Variants in PALS2 observed in about 807,000 individuals in gnomAD.
The protein encoded by PALS2 is protein PALS2.
A neutral mutation model predicts 61.6 loss-of-function variants in PALS2; 27 were observed. The observed-to-expected ratio is 0.44, with a 90% CI of 0.32 to 0.60. The LOEUF (loss-of-function observed/expected upper bound fraction) is 0.60, where lower values mean the gene tolerates loss of function less well. Among genes scored for constraint, PALS2 ranks in the 20% least tolerant of loss-of-function variants. The probability of loss-of-function intolerance (pLI) is 0.05; values close to 1 mark genes in which losing one functional copy is unlikely to be tolerated. For missense variants in PALS2, 554 were observed against 639.4 expected (o/e 0.87, Z 1.44); for synonymous variants, 236 against 218.6 (o/e 1.08, Z -0.70).
intron 1 of PALS2, among the ~76,000 whole-genome samples, chr7:24,591,581 G>C (rs1314513931): frequency 6.6e-6 from 1 of 152,114 alleles, no homozygotes; most frequent in Non-Finnish European, 1.5e-5. Flanking sequence ...TTGTGTTAGA[G>C]ATAGACATGT....
At position 24,680,509 on chromosome 7, in the gene PALS2, A is replaced by AGGATGC; in HGVS notation, c.1435_1436insGGATGC (p.Lys479delinsArgMetGln). On this transcript the variant is annotated protein_altering_variant, in exon 11 of 12. Coordinates refer to ENST00000222644, the MANE Select transcript of PALS2 (RefSeq NM_001303037.2). ...TGTGGTGGATGCAGGAATCACTACCAAGCTTCTGACCGTGAGCTAACCATA... is the reference window on the plus strand; with the variant it reads ...TGTGGTGGATGCAGGAATCACTACCAGGATGCAGCTTCTGACCGTGAGCTAACCATA... 1 of 1,613,766 alleles carries AGGATGC rather than the reference A, an allele frequency of 6.2e-7. No individual in the cohort carries two copies. Among genetic ancestry groups the AGGATGC allele is most frequent in the Non-Finnish European group, 8.5e-7 (1 of 1,179,784 alleles).
chr7:24,600,661 T>C (rs1486109872), intron 1 of PALS2, among the ~76,000 whole-genome samples: 1 of 152,170 alleles, frequency 6.6e-6, no homozygotes, highest in Admixed American at 6.5e-5. Flanking sequence ...ATATAAAGAA[T>C]AGCCATTTAA....
At chr7:24,665,861 A>G (rs1281257114) in intron 7 of PALS2, among the ~76,000 whole-genome samples, 160 bp from the exon 8 acceptor site, 1 of 152,124 alleles carries the variant, frequency 6.6e-6, no homozygotes, top group African/African-American at 2.4e-5. Flanking sequence ...ACCTGCTGGT[A>G]GAGTATCAAA....
rs1319950819 is a variant in PALS2, at chr7:24,687,003, G to C, written c.1447-435G>C. On this transcript the variant is annotated intron_variant, in intron 11 of 11. Coordinates refer to ENST00000222644, the MANE Select transcript of PALS2 (RefSeq NM_001303037.2). The surrounding 1 kb of genome is among the most constrained non-coding windows in gnomAD (Gnocchi z 4.5). ...CTAAGATTCTCTGATCTTATAGAGA[G>C]GTAGCAAGTTTGGCTTTGAGCTTAA... Among the ~76,000 whole-genome samples, 3 of 152,202 alleles carry C rather than the reference G, an allele frequency of 2.0e-5. No individual in the cohort carries two copies. The highest frequency in any genetic ancestry group is 7.2e-5 in the African/African-American group (3 of 41,444).
chr7:24,629,011 A>G (rs1784872413), intron 2 of PALS2, among the ~76,000 whole-genome samples: 1 of 152,202 alleles, frequency 6.6e-6, no homozygotes, highest in Non-Finnish European at 1.5e-5. Flanking sequence ...ATATGGAACC[A>G]AAAAAGAGCC....
intron 1 of PALS2, among the ~76,000 whole-genome samples, chr7:24,595,588 A>AATATATATAT (rs1457909369): frequency 7.3e-6 from 1 of 136,762 alleles, no homozygotes; most frequent in Non-Finnish European, 1.6e-5. Context: ...AATATATATA[A>AATATATATAT]ATATATATAT....
intron 5 of PALS2, among the ~76,000 whole-genome samples, chr7:24,658,925 G>A (rs1786570596): frequency 1.3e-5 from 2 of 152,092 alleles, no homozygotes; most frequent in African/African-American, 4.8e-5. Flanking sequence ...TTTCTGGAGT[G>A]TAGTGCACAA....
chr7:24,653,356 A>G (rs1466206680), intron 5 of PALS2, among the ~76,000 whole-genome samples: 4 of 151,052 alleles, frequency 2.6e-5, no homozygotes, highest in Non-Finnish European at 5.9e-5. Context: ...AATGATTAGT[A>G]AATTAGGAAC....
chr7:24,582,883 C>CTTTTTTTT (rs757869072), intron 1 of PALS2, among the ~76,000 whole-genome samples: 2 of 57,476 alleles, frequency 3.5e-5, no homozygotes, highest in Admixed American at 2.1e-4. Context: ...GATAGTCATG[C>CTTTTTTTT]TTTTTTTTTT....
chr7:24,692,173 C>G lies in PALS2; in HGVS notation c.*4559C>G, dbSNP rs558483611. ...GATTCGAACATGAGTCCTTAATATA[C>G]TAAACAGTGAAAGAATGATGATATC... is the stretch of plus-strand genomic sequence containing the variant. On this transcript the variant is annotated 3_prime_UTR_variant, in exon 12 of 12. Transcript: ENST00000222644. 1.2e-4 allele frequency: 19 copies of G among 152,198 alleles called. No individual in the cohort carries two copies. Among genetic ancestry groups the G allele is most frequent in the African/African-American group, 3.6e-4 (15 of 41,546 alleles). 9.4% of individuals were successfully genotyped at this position (152,198 alleles called of 1,614,324 possible).
At chr7:24,634,987 T>C (rs1421475865) in intron 2 of PALS2, among the ~76,000 whole-genome samples, 1 of 152,230 alleles carries the variant, frequency 6.6e-6, no homozygotes, top group African/African-American at 2.4e-5. Flanking sequence ...TGTAGTACTT[T>C]TTGAAATGAG....
intron 3 of PALS2, among the ~76,000 whole-genome samples, chr7:24,645,984 G>C (rs907267051): frequency 2.0e-5 from 3 of 151,984 alleles, no homozygotes; most frequent in Admixed American, 2.0e-4. Flanking sequence ...TGCAAAATTT[G>C]TATCATTCGG....
rs1562662858 is a variant in PALS2 at position 24,679,138 on chromosome 7, A to G, written c.1122A>G (p.Ser374=). The part of the protein sequence containing the change: ...TRFGTTVPFT[S]RKPREDEKDG... Reference sequence around the variant, plus strand: ...CAACACTATTTTATTTAGTTACTTCACGGAAACCAAGGGAAGATGAAAAAG... The same window carrying G: ...CAACACTATTTTATTTAGTTACTTCGCGGAAACCAAGGGAAGATGAAAAAG... Residue 374 remains serine (S), a synonymous_variant, in exon 10 of 12, where the codon TCA becomes TCG. Transcript: ENST00000222644. 3 of 1,613,518 alleles carry G rather than the reference A, an allele frequency of 1.9e-6. No individual in the cohort carries two copies. The highest frequency in any genetic ancestry group is 2.5e-6 in the Non-Finnish European group (3 of 1,179,526).
At chr7:24,583,785 A>G (rs1427357458) in intron 1 of PALS2, among the ~76,000 whole-genome samples, 3 of 151,824 alleles carry the variant, frequency 2.0e-5, no homozygotes, top group East Asian at 1.9e-4. Flanking sequence ...AGCATTAGGT[A>G]TATCTCCCAA....
chr7:24,627,563 T>A (rs903959214), intron 2 of PALS2, among the ~76,000 whole-genome samples: 8 of 151,848 alleles, frequency 5.3e-5, no homozygotes, highest in African/African-American at 1.5e-4. Flanking sequence ...AAAAAAACAA[T>A]CATTGAATCC....
At position 24,691,368 on chromosome 7, in the gene PALS2, T is replaced by G. The variant is rs925060019; in HGVS notation, c.*3754T>G. ...AGATAGCAGTTCATTTTTTAAATGTTCGAGTTGCCATATATTATGTATGTG... is the reference window on the plus strand; with the variant it reads ...AGATAGCAGTTCATTTTTTAAATGTGCGAGTTGCCATATATTATGTATGTG... On this transcript the variant is annotated 3_prime_UTR_variant, in exon 12 of 12. Coordinates refer to ENST00000222644, the MANE Select transcript of PALS2 (RefSeq NM_001303037.2). 2.1e-5 allele frequency: 3 copies of G among 141,824 alleles called. No homozygotes were observed. Among genetic ancestry groups the G allele is most frequent in the African/African-American group, 7.8e-5 (3 of 38,276 alleles). The allele number at this position is 141,824 out of a possible 1,614,324, so 8.8% of individuals were successfully genotyped here.
chr7:24,580,652 A>T (rs1019450949), intron 1 of PALS2, among the ~76,000 whole-genome samples: 1 of 152,226 alleles, frequency 6.6e-6, no homozygotes, highest in African/African-American at 2.4e-5. Context: ...TACAGAACAA[A>T]TTATAACACA....
chr7:24,590,952 C>T (rs537589936), intron 1 of PALS2, among the ~76,000 whole-genome samples: 103 of 152,084 alleles, frequency 6.8e-4, no homozygotes, highest in Non-Finnish European at 1.1e-3. Context: ...TTTGCCAAAC[C>T]AGCAAGCCTT....
rs1229160071 is a variant in PALS2, at chr7:24,573,565, C to T, written c.-31C>T. 25 of 384,786 alleles carry T rather than the reference C, an allele frequency of 6.5e-5. No homozygotes were observed. The highest frequency in any genetic ancestry group is 1.3e-3 in the Middle Eastern group (2 of 1,540). The allele number at this position is 384,786 out of a possible 1,614,324, so 23.8% of individuals were successfully genotyped here. A position where few individuals can be genotyped will look rare whatever the true frequency, so the allele number is the denominator to read the frequency against. On this transcript the variant is annotated 5_prime_UTR_variant, in exon 1 of 12. Transcript: ENST00000222644. The surrounding 1 kb of genome is among the most constrained non-coding windows in gnomAD (Gnocchi z 5.3). ...GAGCGACCGGGAGCGGCGGCAGCGG[C>T]GGCGCGGAGGCGGCTGAGGTGCGAG...
Sources: gnomAD v4.1 joint callset for allele counts (sites outside exome capture counted in the v4.1 genomes callset) on GRCh38, gnomAD v4.1.1 for gene constraint, Gnocchi (gnomAD v3.1) non-coding constraint, MANE v1.5 for transcripts, NCBI Gene and HGNC (gene_info 2026-07-23, HGNC 2026-07-21) for gene names.